ADGRL2: variants seen among roughly 807,000 people sequenced by gnomAD.
ADGRL2 encodes the protein adhesion G protein-coupled receptor L2, also known as calcium-independent alpha-latrotoxin receptor 2.
In ADGRL2, 44 loss-of-function variants were observed where a neutral mutation model predicts 157.4. The observed-to-expected ratio is 0.28, with a 90% CI of 0.22 to 0.36. ADGRL2 has a LOEUF of 0.36. Among genes scored for constraint, ADGRL2 ranks in the 10% least tolerant of loss-of-function variants. The probability of loss-of-function intolerance (pLI) is 1.00; values close to 1 mark genes in which losing one functional copy is unlikely to be tolerated. For synonymous variants in ADGRL2, 585 were observed against 624.7 expected, an observed-to-expected ratio of 0.94 and a Z score of 0.95; for missense variants, 1,510 against 1,768.9, an observed-to-expected ratio of 0.85 and a Z score of 2.63.
At chr1:81,635,914 T>G (rs1392003465) in intron 3 of ADGRL2, among the ~76,000 whole-genome samples, 1 of 152,240 alleles carries the variant, frequency 6.6e-6, no homozygotes, top group Admixed American at 6.5e-5. Flanking sequence ...AAAAGTTATC[T>G]GATTTATCAT....
chr1:81,548,010 C>T (rs891702840), intron 2 of ADGRL2, among the ~76,000 whole-genome samples: 6 of 152,128 alleles, frequency 3.9e-5, no homozygotes, highest in South Asian at 2.1e-4. Context: ...ACATTTTCAG[C>T]GTAGAAAATC....
At chr1:81,413,102 G>A (rs779455670) in intron 1 of ADGRL2, among the ~76,000 whole-genome samples, 4 of 151,790 alleles carry the variant, frequency 2.6e-5, no homozygotes, top group African/African-American at 7.3e-5. Flanking sequence ...AATTACCTTC[G>A]AATTACCAGG....
At chr1:81,571,624 T>C (rs535813662) in intron 2 of ADGRL2, among the ~76,000 whole-genome samples, 43 of 151,768 alleles carry the variant, frequency 2.8e-4, no homozygotes, top group African/African-American at 1.0e-3. Flanking sequence ...ACCATCAAGA[T>C]AGAAAAGATG....
chr1:81,678,324 G>A (rs188900348), intron 3 of ADGRL2, among the ~76,000 whole-genome samples: 2 of 152,250 alleles, frequency 1.3e-5, no homozygotes, highest in Admixed American at 1.3e-4. Flanking sequence ...GAATTAATAA[G>A]TCCCAAATTT....
intron 1 of ADGRL2, among the ~76,000 whole-genome samples, chr1:81,807,392 A>T (rs568712497): frequency 7.9e-5 from 12 of 151,972 alleles, no homozygotes; most frequent in African/African-American, 2.7e-4. Context: ...ATAATTCTTG[A>T]TTGAAGGTTG....
chr1:81,324,039 A>G (rs1461694432), intron 1 of ADGRL2, among the ~76,000 whole-genome samples: 2 of 152,162 alleles, frequency 1.3e-5, no homozygotes, highest in Non-Finnish European at 2.9e-5. Context: ...GTGAGGCAGG[A>G]AGATTCCCTT....
chr1:81,370,749 C>A (rs1231797781), intron 1 of ADGRL2, among the ~76,000 whole-genome samples: 1 of 152,114 alleles, frequency 6.6e-6, no homozygotes, highest in Non-Finnish European at 1.5e-5. Context: ...CACTTAAAAT[C>A]ATCTCATTCC....
intron 1 of ADGRL2, among the ~76,000 whole-genome samples, chr1:81,401,504 C>T (rs1273116265): frequency 6.6e-6 from 1 of 152,192 alleles, no homozygotes; most frequent in East Asian, 1.9e-4. Context: ...TCTCCAGGGT[C>T]TCTGTAGCTT....
At chr1:81,403,439 T>C (rs6691745) in intron 1 of ADGRL2, among the ~76,000 whole-genome samples, 47,113 of 151,830 alleles carry the variant, frequency 0.31, 8,260 homozygotes, top group East Asian at 0.62. Flanking sequence ...CTAAGTTTTG[T>C]ATTTTTATTA....
At chr1:81,309,479 C>T (rs555243216) in intron 1 of ADGRL2, among the ~76,000 whole-genome samples, 10 of 152,206 alleles carry the variant, frequency 6.6e-5, no homozygotes, top group Middle Eastern at 3.4e-3. Flanking sequence ...AAAACTCACA[C>T]AATAATGCCT....
chr1:81,813,097 A>C (rs573577247), intron 1 of ADGRL2, among the ~76,000 whole-genome samples: 3 of 151,728 alleles, frequency 2.0e-5, no homozygotes, highest in African/African-American at 4.8e-5. Flanking sequence ...TATTTCCTGC[A>C]TACACTTATT....
chr1:81,920,746 T>C (rs2094958497), intron 3 of ADGRL2, among the ~76,000 whole-genome samples: 1 of 151,946 alleles, frequency 6.6e-6, no homozygotes, highest in East Asian at 1.9e-4. Context: ...GCACTCCCAA[T>C]AAGCCTCTGA....
At chr1:81,898,488 C>CA (rs1303081577) in intron 2 of ADGRL2, among the ~76,000 whole-genome samples, 2 of 152,044 alleles carry the variant, frequency 1.3e-5, no homozygotes, top group Non-Finnish European at 2.9e-5. Flanking sequence ...TAAGTAAGCA[C>CA]AAAAAAGTAG....
intron 1 of ADGRL2, among the ~76,000 whole-genome samples, chr1:81,410,689 A>C (rs1169080459): frequency 6.6e-6 from 1 of 152,234 alleles, no homozygotes; most frequent in African/African-American, 2.4e-5. Flanking sequence ...AGATTTGTAT[A>C]GTATTAGCAC....
chr1:81,936,943 T>C (rs2095319420), intron 4 of ADGRL2, 106 bp downstream of exon 4: 3 of 698,132 alleles, frequency 4.3e-6, no homozygotes, highest in Non-Finnish European at 7.7e-6. Context: ...ACAAAACCAT[T>C]ATGTATGCAG....
rs775496737 is a variant in ADGRL2 at position 81,907,235 on chromosome 1, AT to A, written c.287+6del. On this transcript the variant is annotated splice_donor_region_variant and intron_variant, in intron 3 of 23. Coordinates refer to ENST00000686636, the MANE Select transcript of ADGRL2 (RefSeq NM_001366006.2). ...CTTCAAAATTATGACTCAAAGGTAA[AT>A]ATTCATGTGTTAATGTCCCATTTGA... is the stretch of plus-strand genomic sequence containing the variant. The A allele has an allele frequency of 1.7e-5, 28 of 1,609,534 alleles. No homozygotes were observed. Among genetic ancestry groups the A allele is most frequent in the Non-Finnish European group, 2.0e-5 (23 of 1,175,920 alleles).
intron 1 of ADGRL2, among the ~76,000 whole-genome samples, chr1:81,756,605 A>G (rs2085698721): frequency 1.3e-5 from 2 of 152,176 alleles, no homozygotes; most frequent in Non-Finnish European, 2.9e-5. Flanking sequence ...GTTAAAATAT[A>G]TTAAAACCTT....
At position 81,968,359 on chromosome 1, in the gene ADGRL2, T is replaced by C. The variant is rs935394000; in HGVS notation, c.2523+160T>C. Among the ~76,000 whole-genome samples the C allele has an allele frequency of 4.5e-4, 68 of 152,198 alleles. 1 individual carries two copies. Among genetic ancestry groups the C allele is most frequent in the Admixed American group, 1.4e-3 (21 of 15,278 alleles). ...TACACTGTCCATAAATTTTAAGAAG[T>C]CTTGGCACTGTTATTGTTACTTCTC... On this transcript the variant is annotated intron_variant, in intron 14 of 23. Coordinates refer to ENST00000686636, the MANE Select transcript of ADGRL2 (RefSeq NM_001366006.2).
intron 2 of ADGRL2, among the ~76,000 whole-genome samples, chr1:81,845,335 A>T (rs77097673): frequency 0.22 from 32,944 of 151,876 alleles, 4,683 homozygotes; most frequent in Middle Eastern, 0.42. Context: ...TTCCTTCACA[A>T]CTGGTTATTT....
Sources: allele counts gnomAD v4.1 joint callset (sites outside exome capture counted in the v4.1 genomes callset), GRCh38; gene constraint gnomAD v4.1.1; transcripts MANE v1.5; gene names NCBI Gene and HGNC (gene_info 2026-07-23, HGNC 2026-07-21).